Variants in SLC26A7 observed in about 807,000 individuals in gnomAD.
SLC26A7 encodes the protein anion exchange transporter.
In SLC26A7, 59 loss-of-function variants were observed where a neutral mutation model predicts 82.5. The observed-to-expected ratio is 0.72, with a 90% CI of 0.58 to 0.89. The LOEUF (loss-of-function observed/expected upper bound fraction) is 0.89, where lower values mean the gene tolerates loss of function less well. SLC26A7 is among the 40% of genes least tolerant of loss of function. SLC26A7 has a pLI of 0.00. For synonymous variants in SLC26A7, 271 were observed against 274.3 expected, an observed-to-expected ratio of 0.99 and a Z score of 0.12; for missense variants, 820 against 793.0, an observed-to-expected ratio of 1.03 and a Z score of -0.41.
At position 91,343,391 on chromosome 8, in the gene SLC26A7, A is replaced by G. The variant is rs755839022; in HGVS notation, c.1065A>G (p.Ser355=). ...LAHGLSNIVS[S]FFFCIPSAAA... ...ATGGCCTCAGCAATATAGTTTCTTCATTTTTCTTCTGCATACCAAGTGCTG... is the reference window on the plus strand; with the variant it reads ...ATGGCCTCAGCAATATAGTTTCTTCGTTTTTCTTCTGCATACCAAGTGCTG... Residue 355 remains serine, a synonymous_variant, in exon 9 of 19, where the codon TCA becomes TCG. Transcript: ENST00000276609. 4 of 1,612,670 alleles carry G rather than the reference A, an allele frequency of 2.5e-6. No individual in the cohort carries two copies. The highest frequency in any genetic ancestry group is 1.1e-5 in the South Asian group (1 of 90,926).
chr8:91,363,941 G>GTTTTTTTT (rs5893169), intron 13 of SLC26A7, among the ~76,000 whole-genome samples: 8 of 135,692 alleles, frequency 5.9e-5, no homozygotes, highest in Non-Finnish European at 9.5e-5. Flanking sequence ...TCATGGTATT[G>GTTTTTTTT]TTTTTTTTTT....
Position 91,366,729 on chromosome 8 carries a change from G to A in SLC26A7, c.1626+12G>A. ...ATGATATCAGCAAGGTAGGATCAAT[G>A]GTTTGATTAGAATGTCATACTACAT... is the stretch of plus-strand genomic sequence containing the variant. On this transcript the variant is annotated intron_variant, in intron 14 of 18. Transcript: ENST00000276609. 6.2e-7 allele frequency: 1 copy of A among 1,604,720 alleles called. No individual in the cohort carries two copies. Among genetic ancestry groups the A allele is most frequent in the South Asian group, 1.1e-5 (1 of 89,566 alleles).
intron 16 of SLC26A7, among the ~76,000 whole-genome samples, chr8:91,392,083 C>T (rs1814985705): frequency 6.6e-6 from 1 of 152,100 alleles, no homozygotes; most frequent in Non-Finnish European, 1.5e-5. Context: ...GATCTGTACA[C>T]TGGAATGACA....
intron 9 of SLC26A7, among the ~76,000 whole-genome samples, chr8:91,350,871 C>T (rs184525944): frequency 2.0e-4 from 30 of 152,268 alleles, no homozygotes; most frequent in African/African-American, 7.2e-4. Flanking sequence ...TTATAAGACA[C>T]TGCCAAACTG....
chr8:91,327,055 C>T (rs1049363306), intron 5 of SLC26A7, among the ~76,000 whole-genome samples: 6 of 152,058 alleles, frequency 3.9e-5, no homozygotes, highest in African/African-American at 1.4e-4. Context: ...CTGCAAAGAC[C>T]TTATTTTTCC....
chr8:91,236,090 C>T (rs1810389219), intron 2 of SLC26A7, among the ~76,000 whole-genome samples: 1 of 152,024 alleles, frequency 6.6e-6, no homozygotes, highest in African/African-American at 2.4e-5. Flanking sequence ...ACACTGGTCC[C>T]CAATTAATAC....
chr8:91,234,827 A>ACCTACTTCCTTCCCTCCTTC (rs1386380375), intron 2 of SLC26A7, among the ~76,000 whole-genome samples: 2 of 92,494 alleles, frequency 2.2e-5, no homozygotes, highest in Non-Finnish European at 4.4e-5. Context: ...CTACCTACCT[A>ACCTACTTCCTTCCCTCCTTC]CTTCCTTCCT....
chr8:91,337,361 C>T (rs181114568), intron 6 of SLC26A7, among the ~76,000 whole-genome samples: 18 of 152,118 alleles, frequency 1.2e-4, no homozygotes, highest in Non-Finnish European at 2.4e-4. Flanking sequence ...GCCTCTTTTA[C>T]AAGATGAATT....
At chr8:91,225,966 T>C (rs562581319) in intron 2 of SLC26A7, among the ~76,000 whole-genome samples, 1 of 152,270 alleles carries the variant, frequency 6.6e-6, no homozygotes, top group East Asian at 1.9e-4. Context: ...GTCTCCTGCC[T>C]CTTGGAACTA....
intron 4 of SLC26A7, among the ~76,000 whole-genome samples, chr8:91,316,371 C>T (rs1276635892): frequency 1.3e-5 from 2 of 151,586 alleles, no homozygotes; most frequent in Non-Finnish European, 2.9e-5. Flanking sequence ...CAACCTCTGC[C>T]TCCTGGGCTC....
chr8:91,311,431 TTATATA>T lies in SLC26A7; in HGVS notation c.478-6778_478-6773del, dbSNP rs145148984. Among the ~76,000 whole-genome samples, 577 of 151,680 alleles carry T rather than the reference TTATATA, an allele frequency of 3.8e-3. 3 individuals are homozygous for T. The highest frequency in any genetic ancestry group is 0.013 in the African/African-American group (520 of 41,382). On this transcript the variant is annotated intron_variant, in intron 4 of 18. Coordinates refer to ENST00000276609, the MANE Select transcript of SLC26A7 (RefSeq NM_052832.4). ...CCTAAATGATTAGTTAGATATATAT[TTATATA>T]TATATACACACACTCACACACACAC...
intron 4 of SLC26A7, among the ~76,000 whole-genome samples, chr8:91,315,476 A>G (rs1321041167): frequency 1.3e-5 from 2 of 150,632 alleles, no homozygotes; most frequent in Non-Finnish European, 3.0e-5. Context: ...AAAAAACACC[A>G]TGTTCCACTT....
In SLC26A7 at chr8:91,320,441, C is replaced by T. The variant is rs1401577290; in HGVS notation, c.642+2061C>T. On this transcript the variant is annotated intron_variant, in intron 5 of 18. Coordinates refer to ENST00000276609, the MANE Select transcript of SLC26A7 (RefSeq NM_052832.4). The stretch of plus-strand genomic sequence containing the variant: ...TCTTGCTTTTCAATTATCACAGAGT[C>T]CTGTACTGTGAGGCTGTTAGGTGGG... 2.0e-5 allele frequency among the ~76,000 whole-genome samples: 3 copies of T among 152,146 alleles called. No individual in the cohort carries two copies. The East Asian group carries it at 5.8e-4, about 29-fold the overall frequency.
chr8:91,373,045 T>C (rs1814411268), intron 15 of SLC26A7, among the ~76,000 whole-genome samples: 1 of 151,806 alleles, frequency 6.6e-6, no homozygotes, highest in Admixed American at 6.6e-5. Context: ...TTGGTGTACA[T>C]AAATGCAACA....
At chr8:91,333,908 T>A (rs1046059705) in intron 5 of SLC26A7, among the ~76,000 whole-genome samples, 1 of 152,156 alleles carries the variant, frequency 6.6e-6, no homozygotes, top group Admixed American at 6.6e-5. Context: ...CTTGTTTGCT[T>A]CTGGGGTTTG....
Position 91,397,611 on chromosome 8 carries a change from T to C in SLC26A7, c.*2514T>C, listed in dbSNP as rs1230026456. ...TAACATTACATTTATGCAAATTAAA[T>C]GCCCTTAAATTTCACCATTTGTCTT... On this transcript the variant is annotated 3_prime_UTR_variant, in exon 19 of 19. Transcript: ENST00000276609. 2.0e-5 allele frequency: 3 copies of C among 152,542 alleles called. No individual in the cohort carries two copies. Among genetic ancestry groups the C allele is most frequent in the African/African-American group, 7.2e-5 (3 of 41,454 alleles). 9.4% of individuals were successfully genotyped at this position (152,542 alleles called of 1,614,324 possible).
chr8:91,374,521 T>C (rs1261287436), intron 15 of SLC26A7, among the ~76,000 whole-genome samples: 3 of 152,090 alleles, frequency 2.0e-5, no homozygotes, highest in Non-Finnish European at 4.4e-5. Flanking sequence ...TTAATTTCCA[T>C]GTACTTGTGT....
intron 2 of SLC26A7, among the ~76,000 whole-genome samples, chr8:91,258,614 T>C (rs774269293): frequency 1.7e-4 from 26 of 152,138 alleles, no homozygotes; most frequent in Non-Finnish European, 2.2e-4. Context: ...CCATAAACTG[T>C]GCTAAGGATT....
chr8:91,384,455 T>C (rs749086994), intron 15 of SLC26A7, among the ~76,000 whole-genome samples: 4 of 152,116 alleles, frequency 2.6e-5, no homozygotes, highest in African/African-American at 4.8e-5. Flanking sequence ...CTTAAATTAA[T>C]CAAATCTACA....
Sources: allele counts gnomAD v4.1 joint callset (sites outside exome capture counted in the v4.1 genomes callset), GRCh38; gene constraint gnomAD v4.1.1; transcripts MANE v1.5; gene names NCBI Gene and HGNC (gene_info 2026-07-23, HGNC 2026-07-21).